The following MXD3 variants were observed in gnomAD, a reference collection of about 807,000 sequenced individuals.
The protein encoded by MXD3 is MAX dimerization protein 3.
In MXD3, 20 loss-of-function variants were observed where a neutral mutation model predicts 27.5. The ratio of observed to expected loss-of-function variants is 0.73; its 90% CI spans 0.51 to 1.06. The LOEUF is 1.06. Among genes scored for constraint, MXD3 ranks in the 50% least tolerant of loss-of-function variants. The probability of loss-of-function intolerance (pLI) is 0.00; values close to 1 mark genes in which losing one functional copy is unlikely to be tolerated. For missense variants in MXD3, 298 were observed against 291.3 expected, an observed-to-expected ratio of 1.02 and a Z score of -0.17; for synonymous variants, 150 against 130.7, an observed-to-expected ratio of 1.15 and a Z score of -1.01.
chr5:177,307,705 T>C lies in MXD3; in HGVS notation c.506-2A>G. ...TCTCCACATCCACCTCCAGCTCCTC[T>C]GCGCGGGGAGGGGTCCGGTCAGAAG... On this transcript the variant is annotated splice_acceptor_variant, in intron 5 of 5. Transcript: ENST00000439742. LOFTEE classifies it high-confidence loss of function. 1 of 1,613,690 alleles carries C rather than the reference T, an allele frequency of 6.2e-7. No homozygotes were observed. Among genetic ancestry groups the C allele is most frequent in the Non-Finnish European group, 8.5e-7 (1 of 1,179,900 alleles).
chr5:177,307,853 C>T lies in MXD3; in HGVS notation c.433G>A (p.Glu145Lys), dbSNP rs554938296. Residue 145 changes from glutamate (E) to lysine (K), a missense_variant, in exon 5 of 6, where the codon GAG becomes AAG. By Grantham distance (56) the Glu-to-Lys change is moderately conservative. Transcript: ENST00000439742. ...EQLRGLAGAA[E>K]RERLRADSLD... The stretch of plus-strand genomic sequence containing the variant: ...CTGTCCGCCCGCAGCCGCTCCCGCT[C>T]GGCCGCCCCTGCCAGCCCCCGGAGC... 1.4e-5 allele frequency: 22 copies of T among 1,610,176 alleles called. No individual in the cohort carries two copies. The highest frequency in any genetic ancestry group is 6.7e-5 in the African/African-American group (5 of 75,010).
At chr5:177,311,200 T>G in intron 2 of MXD3, 179 bp downstream of exon 2, 1 of 519,254 alleles carries the variant, frequency 1.9e-6, no homozygotes, top group South Asian at 2.9e-5. Flanking sequence ...AAATAGTCCT[T>G]GAATGAATAG....
At chr5:177,310,636 G>A (rs755593958) in intron 3 of MXD3, 32 bp downstream of exon 3, 19 of 1,614,066 alleles carry the variant, frequency 1.2e-5, no homozygotes, top group East Asian at 2.2e-5. Context: ...GCCCCTGGGG[G>A]CTGGCGCTGT....
At chr5:177,305,723 C>G, downstream of MXD3, 1 of 665,850 alleles carries the variant, frequency 1.5e-6, no homozygotes, top group South Asian at 1.8e-5. Flanking sequence ...GCTTCTTGTT[C>G]TGTCAGTGCC....
chr5:177,308,051 C>T, intron 4 of MXD3, 87 bp from the exon 5 acceptor site: 1 of 1,282,182 alleles, frequency 7.8e-7, no homozygotes, highest in Non-Finnish European at 1.0e-6. Flanking sequence ...CGGGCCACGG[C>T]CACAGGGCCA....
intron 4 of MXD3, 89 bp downstream of exon 4, chr5:177,310,337 G>T: frequency 1.0e-6 from 1 of 987,850 alleles, no homozygotes; most frequent in Non-Finnish European, 1.5e-6. Context: ...TCTGACCTCA[G>T]GTCTCGTTCC....
chr5:177,310,811 C>A, intron 2 of MXD3, 114 bp from the exon 3 acceptor site: 4 of 1,209,280 alleles, frequency 3.3e-6, no homozygotes, highest in Non-Finnish European at 4.8e-6. Context: ...AACAAGTCCC[C>A]TGTGGAGAGC....
chr5:177,310,035 C>T (rs1374311812), intron 4 of MXD3, among the ~76,000 whole-genome samples: 1 of 152,160 alleles, frequency 6.6e-6, no homozygotes, highest in East Asian at 1.9e-4. Context: ...AGAGCAAGGA[C>T]CAACCCTCTA....
chr5:177,305,934 C>T (rs750409328), downstream of MXD3: 10 of 1,614,012 alleles, frequency 6.2e-6, no homozygotes, highest in East Asian at 2.2e-5. Context: ...TGAAATCCGC[C>T]GGGAAGCCTG....
chr5:177,308,067 C>T, intron 4 of MXD3, 103 bp from the exon 5 acceptor site: 1 of 1,132,668 alleles, frequency 8.8e-7, no homozygotes, highest in East Asian at 2.6e-5. Context: ...GGCCAATGCC[C>T]ACTCCGGGCA....
chr5:177,312,104 C>G (rs1429704876), upstream of MXD3: 1 of 1,149,916 alleles, frequency 8.7e-7, no homozygotes, highest in Non-Finnish European at 1.1e-6. Context: ...GGCCCTGGAG[C>G]GAACCCTCAG....
At chr5:177,306,727 C>T (rs1344623719), downstream of MXD3, 6 of 1,150,346 alleles carry the variant, frequency 5.2e-6, no homozygotes, top group Non-Finnish European at 7.3e-6. Flanking sequence ...ACACCAAGCA[C>T]ATGATTCATG....
At chr5:177,306,433 T>G, downstream of MXD3, 4 of 1,613,914 alleles carry the variant, frequency 2.5e-6, no homozygotes, top group Non-Finnish European at 3.4e-6. Flanking sequence ...CGAGGCCCCT[T>G]CCAAAACACT....
In MXD3 at chr5:177,307,266, G is replaced by T. The variant is rs1264153014; in HGVS notation, c.*322C>A. 5 of 1,551,648 alleles carry T rather than the reference G, an allele frequency of 3.2e-6. No individual in the cohort carries two copies. Among genetic ancestry groups the T allele is most frequent in the Non-Finnish European group, 3.5e-6 (4 of 1,146,964 alleles). ...ACAGTTTATGTGAGGCAAAGGCAGG[G>T]GGCCTTGTCCAGGAAGGGAAGAGGC... On this transcript the variant is annotated 3_prime_UTR_variant, in exon 6 of 6. Coordinates refer to ENST00000439742, the MANE Select transcript of MXD3 (RefSeq NM_031300.4).
At chr5:177,306,934 A>G, downstream of MXD3, 1 of 875,322 alleles carries the variant, frequency 1.1e-6, no homozygotes, top group South Asian at 1.9e-5. Context: ...CACTCAATAA[A>G]TACTTGTTGA....
downstream of MXD3, chr5:177,306,365 A>C (rs752620672): frequency 1.6e-5 from 26 of 1,610,192 alleles, no homozygotes; most frequent in Middle Eastern, 3.3e-4. Flanking sequence ...TGGGGGAGGG[A>C]AATTAGGTTG....
downstream of MXD3, chr5:177,307,117 T>C: frequency 6.6e-7 from 1 of 1,508,350 alleles, no homozygotes; most frequent in Non-Finnish European, 8.9e-7. Context: ...CGGCCAACAG[T>C]GTCAGTGATG....
chr5:177,306,950 G>T, downstream of MXD3: 1 of 1,004,962 alleles, frequency 1.0e-6, no homozygotes. Context: ...GTTGAATTCA[G>T]TTGGCCCCAG....
At chr5:177,311,545 C>T in intron 1 of MXD3, 61 bp from the exon 2 acceptor site, 1 of 1,312,906 alleles carries the variant, frequency 7.6e-7, no homozygotes, top group Non-Finnish European at 1.0e-6. Context: ...AGCGGCAGCC[C>T]CAGGCACAGC....
Sources: allele counts gnomAD v4.1 joint callset (sites outside exome capture counted in the v4.1 genomes callset), GRCh38; gene constraint gnomAD v4.1.1; transcripts MANE v1.5; gene names NCBI Gene and HGNC (gene_info 2026-07-23, HGNC 2026-07-21).